The following NLRP13 variants were observed in gnomAD, a reference collection of about 807,000 sequenced individuals.
The protein encoded by NLRP13 is NACHT, LRR and PYD domains-containing protein 13.
NLRP13 carries 82 observed loss-of-function variants against 94.4 expected under a neutral mutation model. The observed-to-expected ratio is 0.87, with a 90% confidence interval of 0.73 to 1.04. The LOEUF is 1.04. Among genes scored for constraint, NLRP13 ranks in the 50% least tolerant of loss-of-function variants. The pLI, the probability that NLRP13 is intolerant of heterozygous loss-of-function variation, is 0.00. For missense variants in NLRP13, 1,426 were observed against 1,230.8 expected (o/e 1.16, Z -2.37); for synonymous variants, 553 against 464.7 (o/e 1.19, Z -2.45).
intron 4 of NLRP13, among the ~76,000 whole-genome samples, chr19:55,918,592 C>A (rs112649514): frequency 5.5e-4 from 83 of 152,096 alleles, no homozygotes; most frequent in African/African-American, 1.9e-3. Flanking sequence ...CTACTATGGA[C>A]AACTCTATAC....
At chr19:55,928,672 GAT>G (rs1987029035) in intron 1 of NLRP13, among the ~76,000 whole-genome samples, 1 of 152,208 alleles carries the variant, frequency 6.6e-6, no homozygotes, top group African/African-American at 2.4e-5. Flanking sequence ...TATAAAGAGA[GAT>G]ATTCAGTTGG....
At chr19:55,897,136 G>T (rs1313413945) in intron 10 of NLRP13, among the ~76,000 whole-genome samples, 1 of 152,002 alleles carries the variant, frequency 6.6e-6, no homozygotes, top group East Asian at 1.9e-4. Context: ...CATAGGGTTG[G>T]CTAGCTACTA....
In NLRP13 at chr19:55,911,757, A is replaced by G. The variant is rs765028453; in HGVS notation, c.2060T>C (p.Leu687Pro). 1.2e-6 allele frequency: 2 copies of G among 1,613,396 alleles called. No individual in the cohort carries two copies. Among genetic ancestry groups the G allele is most frequent in the African/African-American group, 2.7e-5 (2 of 74,898 alleles). ...GATGTGACTGCTAACAGAAAGCCTT[A>G]GCTTATTTAACCTTTTACAGTGCTT... The part of the protein sequence containing the change: ...CLKHCKRLNK[L>P]RLSVSSHILE... The change falls in exon 5 of 11, where the codon CTA (leucine) becomes CCA (proline). Residue 687 changes from leucine (L) to proline (P), a missense_variant. Coordinates refer to ENST00000342929, the MANE Select transcript of NLRP13 (RefSeq NM_176810.2).
chr19:55,891,731 C>T (rs1600252951), downstream of NLRP13: 1 of 224,538 alleles, frequency 4.5e-6, no homozygotes, highest in East Asian at 9.4e-5. Context: ...CTCAACACCT[C>T]CAAGAATTAA....
chr19:55,896,107 G>A lies in NLRP13; in HGVS notation c.2970C>T (p.Cys990=). 2 of 1,614,070 alleles carry A rather than the reference G, an allele frequency of 1.2e-6. No homozygotes were observed. The highest frequency in any genetic ancestry group is 1.3e-5 in the African/African-American group (1 of 75,056). ...RALHTLGLAK[C]NLTTACCQHL... is the part of the protein sequence containing the mutation. ...GCTGGCAGCAAGCAGTTGTCAGATT[G>A]CATTTCGCCAACCTAGGGGCGGGTG... The change falls in exon 11 of 11, where the codon TGC becomes TGT. Residue 990 remains cysteine, a synonymous_variant. Transcript: ENST00000342929.
At chr19:55,922,919 G>A (rs760603174) in intron 4 of NLRP13, among the ~76,000 whole-genome samples, 9 of 152,210 alleles carry the variant, frequency 5.9e-5, no homozygotes, top group Admixed American at 3.3e-4. Context: ...TAGCCCCAAA[G>A]AGTAGTGGGT....
chr19:55,928,540 A>T (rs1031444574), intron 1 of NLRP13, among the ~76,000 whole-genome samples: 12 of 152,346 alleles, frequency 7.9e-5, no homozygotes, highest in South Asian at 2.1e-4. Context: ...TACCCCATAA[A>T]TATAGACACC....
intron 9 of NLRP13, among the ~76,000 whole-genome samples, chr19:55,899,484 C>G (rs1043933824): frequency 6.6e-6 from 1 of 152,036 alleles, no homozygotes; most frequent in South Asian, 2.1e-4. Flanking sequence ...CCACCCCCCC[C>G]ATCCCAAAAA....
chr19:55,927,460 A>C (rs1265788743), intron 1 of NLRP13, among the ~76,000 whole-genome samples: 1 of 151,794 alleles, frequency 6.6e-6, no homozygotes, highest in African/African-American at 2.4e-5. Flanking sequence ...ATTCCTTAAA[A>C]AAAAAAAAAA....
chr19:55,930,898 A>ATACACGTATATATATACATATAT, intron 1 of NLRP13, among the ~76,000 whole-genome samples: 2 of 104,910 alleles, frequency 1.9e-5, no homozygotes, highest in Non-Finnish European at 3.8e-5. Flanking sequence ...ATATATATAT[A>ATACACGTATATATATACATATAT]AAATTTTAAC....
chr19:55,919,439 G>C (rs531255469), intron 4 of NLRP13, among the ~76,000 whole-genome samples: 2 of 151,692 alleles, frequency 1.3e-5, no homozygotes, highest in Non-Finnish European at 3.0e-5. Context: ...ATTATCTGTT[G>C]ATATGATCTT....
At chr19:55,908,722 T>C (rs1986422440) in intron 6 of NLRP13, among the ~76,000 whole-genome samples, 1 of 152,142 alleles carries the variant, frequency 6.6e-6, no homozygotes, top group Admixed American at 6.5e-5. Context: ...AGCTAAATGA[T>C]GAGAACACAT....
At chr19:55,929,170 G>A (rs977062280) in intron 1 of NLRP13, among the ~76,000 whole-genome samples, 7 of 152,210 alleles carry the variant, frequency 4.6e-5, no homozygotes, top group Non-Finnish European at 1.0e-4. Context: ...CTTTTACACT[G>A]TTGGTGGGAG....
intron 4 of NLRP13, among the ~76,000 whole-genome samples, chr19:55,915,552 C>T (rs543440696): frequency 2.4e-4 from 37 of 152,242 alleles, no homozygotes; most frequent in Admixed American, 1.6e-3. Flanking sequence ...AGGCCAAGAT[C>T]GCACCACTGT....
At chr19:55,910,106 G>A (rs190374729) in intron 6 of NLRP13, among the ~76,000 whole-genome samples, 35 of 152,286 alleles carry the variant, frequency 2.3e-4, no homozygotes, top group Admixed American at 2.2e-3. Flanking sequence ...GGGCTTCACT[G>A]CTAGAACCTC....
intron 4 of NLRP13, among the ~76,000 whole-genome samples, chr19:55,917,740 T>C (rs1244438600): frequency 7.5e-6 from 1 of 133,916 alleles, no homozygotes; most frequent in Non-Finnish European, 1.8e-5. Flanking sequence ...CCTAAACATA[T>C]ATACATCCAT....
At position 55,908,043 on chromosome 19, in the gene NLRP13, T is replaced by C. The variant is rs562254549; in HGVS notation, c.2283-87A>G. 1.6e-5 allele frequency: 19 copies of C among 1,198,182 alleles called. No individual in the cohort carries two copies. In the South Asian group the frequency reaches 2.6e-4, roughly 16 times the overall value. 74.2% of individuals were successfully genotyped at this position (1,198,182 alleles called of 1,614,324 possible). On this transcript the variant is annotated intron_variant, in intron 6 of 10. Coordinates refer to ENST00000342929, the MANE Select transcript of NLRP13 (RefSeq NM_176810.2). ...TCTGCCTCCTCACCCTGCCTTCTAC[T>C]ACACTCACTGCCAAGGTTATACACG...
intron 4 of NLRP13, among the ~76,000 whole-genome samples, chr19:55,918,253 C>CAAAAAAAAAA (rs34099048): frequency 3.8e-5 from 5 of 130,780 alleles, no homozygotes; most frequent in African/African-American, 1.1e-4. Context: ...TGTGATACAG[C>CAAAAAAAAAA]AAAAAAAAAA....
chr19:55,901,901 A>G lies in NLRP13; in HGVS notation c.2789+134T>C, dbSNP rs1986189907. ...ACTTTCCCCATCCCACACCCCCGAC[A>G]AAACCAGAAGCTCCTCCATGGCAAA... is the stretch of plus-strand genomic sequence containing the variant. On this transcript the variant is annotated intron_variant, in intron 9 of 10. Transcript: ENST00000342929. 6 of 933,400 alleles carry G rather than the reference A, an allele frequency of 6.4e-6. No individual in the cohort carries two copies. The Admixed American group carries it at 1.7e-4, about 26-fold the overall frequency. The allele number at this position is 933,400 out of a possible 1,614,324, so 57.8% of individuals were successfully genotyped here. A position where few individuals can be genotyped will look rare whatever the true frequency, so the allele number is the denominator to read the frequency against.
Sources: gnomAD v4.1 joint callset for allele counts (sites outside exome capture counted in the v4.1 genomes callset) on GRCh38, gnomAD v4.1.1 for gene constraint, MANE v1.5 for transcripts, NCBI Gene and HGNC (gene_info 2026-07-23, HGNC 2026-07-21) for gene names.